The following LRRC37A2 variants were observed in gnomAD, a reference collection of about 807,000 sequenced individuals.
The protein encoded by LRRC37A2 is leucine-rich repeat-containing protein 37A2.
Under a neutral mutation model 68.8 loss-of-function variants are expected in LRRC37A2, and 9 were observed. The observed-to-expected ratio is 0.13, with a 90% CI of 0.08 to 0.23. The LOEUF (loss-of-function observed/expected upper bound fraction) is 0.23. LRRC37A2 is among the 10% of genes least tolerant of loss of function. The pLI is 1.00. For missense variants in LRRC37A2, 168 were observed against 950.4 expected, an observed-to-expected ratio of 0.18 and a Z score of 10.82; for synonymous variants, 63 against 367.6, an observed-to-expected ratio of 0.17 and a Z score of 9.48.
the LRRC37A2 span, among the ~76,000 whole-genome samples, chr17:46,392,419 CTCTTTCTTTCTCTCTTTCTT>C: frequency 1.4e-3 from 80 of 55,816 alleles, 2 homozygotes; most frequent in Non-Finnish European, 2.4e-3. Context: ...TTCTCTCTCT[CTCTTTCTTTCTCTCTTTCTT>C]TCTTTCTTTC....
At chr17:46,754,645 G>C in the LRRC37A2 span, among the ~76,000 whole-genome samples, 2 of 152,308 alleles carry the variant, frequency 1.3e-5, no homozygotes, top group East Asian at 1.9e-4. Context: ...AACCAGTCGA[G>C]ATAGCTAATA....
the LRRC37A2 span, chr17:46,923,261 CG>C: frequency 1.3e-6 from 2 of 1,549,864 alleles, no homozygotes; most frequent in South Asian, 2.4e-5. Context: ...CTAGACGAGG[CG>C]AGGCCAGGTG....
the LRRC37A2 span, among the ~76,000 whole-genome samples, chr17:46,859,648 T>C: frequency 6.6e-6 from 1 of 152,222 alleles, no homozygotes; most frequent in Non-Finnish European, 1.5e-5. Flanking sequence ...CTGTGCACTA[T>C]TTTTTCGAAA....
the LRRC37A2 span, among the ~76,000 whole-genome samples, chr17:46,846,881 G>A: frequency 1.3e-5 from 2 of 152,210 alleles, no homozygotes; most frequent in Non-Finnish European, 2.9e-5. Flanking sequence ...AGCTTCCCAA[G>A]ATAGGACAGG....
the LRRC37A2 span, among the ~76,000 whole-genome samples, chr17:46,898,903 C>T: frequency 6.6e-6 from 1 of 152,154 alleles, no homozygotes; most frequent in Non-Finnish European, 1.5e-5. Flanking sequence ...CCAGCAATTG[C>T]ATTCCTAGGT....
At chr17:46,948,536 G>GAA in the LRRC37A2 span, 1 of 152,236 alleles carries the variant, frequency 6.6e-6, no homozygotes, top group Admixed American at 6.5e-5. Context: ...TTACCTATTA[G>GAA]GACTTGCTCA....
chr17:46,747,496 T>C, the LRRC37A2 span, among the ~76,000 whole-genome samples: 1 of 151,968 alleles, frequency 6.6e-6, no homozygotes, highest in African/African-American at 2.4e-5. Context: ...CCTAGACAAG[T>C]CTCAAACTCC....
At chr17:46,970,616 G>A in the LRRC37A2 span, among the ~76,000 whole-genome samples, 4 of 150,994 alleles carry the variant, frequency 2.6e-5, no homozygotes, top group South Asian at 2.1e-4. Context: ...ACAATCAGTC[G>A]TCAGCTGAGC....
chr17:46,731,598 G>A, the LRRC37A2 span, among the ~76,000 whole-genome samples: 5 of 152,176 alleles, frequency 3.3e-5, no homozygotes, highest in Non-Finnish European at 5.9e-5. Flanking sequence ...TCCAAGGTAC[G>A]TGGCCCAGCT....
At chr17:46,944,125 AGACAGTGGCT>A in the LRRC37A2 span, among the ~76,000 whole-genome samples, 1 of 152,214 alleles carries the variant, frequency 6.6e-6, no homozygotes, top group Non-Finnish European at 1.5e-5. Context: ...CCTCCTCAGA[AGACAGTGGCT>A]GACAGTACAA....
At chr17:47,038,245 G>A in the LRRC37A2 span, among the ~76,000 whole-genome samples, 2 of 152,212 alleles carry the variant, frequency 1.3e-5, no homozygotes, top group African/African-American at 4.8e-5. Flanking sequence ...GGGCTGCAGT[G>A]AGCCATGATT....
At chr17:47,049,090 T>C in the LRRC37A2 span, 8 of 770,234 alleles carry the variant, frequency 1.0e-5, no homozygotes, top group Non-Finnish European at 1.8e-5. Context: ...CCTCTCTGAA[T>C]GGCACTCAAA....
chr17:46,993,179 T>C, the LRRC37A2 span, among the ~76,000 whole-genome samples: 1 of 152,038 alleles, frequency 6.6e-6, no homozygotes, highest in Admixed American at 6.6e-5. Flanking sequence ...TAAAAAGCCA[T>C]GTACTTTTTG....
chr17:47,038,568 A>AAATTAGC, the LRRC37A2 span, among the ~76,000 whole-genome samples: 2 of 149,770 alleles, frequency 1.3e-5, no homozygotes, highest in Non-Finnish European at 3.0e-5. Flanking sequence ...GTATACAAAA[A>AAATTAGC]CTTCGCTTCT....
chr17:46,788,699 T>C, the LRRC37A2 span, among the ~76,000 whole-genome samples: 2 of 152,314 alleles, frequency 1.3e-5, no homozygotes, highest in Non-Finnish European at 2.9e-5. Context: ...CTCGTTTCCA[T>C]GTAGAATCTA....
At chr17:47,007,458 G>A in the LRRC37A2 span, among the ~76,000 whole-genome samples, 1 of 152,204 alleles carries the variant, frequency 6.6e-6, no homozygotes, top group Non-Finnish European at 1.5e-5. Flanking sequence ...GATTGCAGGC[G>A]TGAGCCACTG....
chr17:46,919,863 C>A, the LRRC37A2 span, among the ~76,000 whole-genome samples: 15 of 152,090 alleles, frequency 9.9e-5, no homozygotes, highest in Admixed American at 2.0e-4. Flanking sequence ...AGGAGAATTG[C>A]TTGAACCCAG....
chr17:46,816,119 A>ACACACACACG, the LRRC37A2 span, among the ~76,000 whole-genome samples: 1 of 150,552 alleles, frequency 6.6e-6, no homozygotes, highest in African/African-American at 2.4e-5. Context: ...ACGTACACAC[A>ACACACACACG]CACACACACA....
At chr17:46,502,567 G>A in the LRRC37A2 span, among the ~76,000 whole-genome samples, 2 of 151,200 alleles carry the variant, frequency 1.3e-5, no homozygotes, top group African/African-American at 4.9e-5. Context: ...CTCCCAAAGT[G>A]CTGGGATTAC....
Sources: allele counts gnomAD v4.1 joint callset (sites outside exome capture counted in the v4.1 genomes callset), GRCh38; gene constraint gnomAD v4.1.1; transcripts MANE v1.5; gene names NCBI Gene and HGNC (gene_info 2026-07-23, HGNC 2026-07-21).